ATAD2B: variants seen among roughly 807,000 people sequenced by gnomAD.
ATAD2B encodes the protein ATPase family AAA domain containing 2B.
A neutral mutation model predicts 167.6 loss-of-function variants in ATAD2B; 40 were observed. The ratio of observed to expected loss-of-function variants is 0.24; its 90% CI spans 0.19 to 0.31. The LOEUF (loss-of-function observed/expected upper bound fraction) is 0.31. Among genes scored for constraint, ATAD2B ranks in the 10% least tolerant of loss-of-function variants. The pLI is 1.00. For synonymous variants in ATAD2B, 579 were observed against 596.5 expected, an observed-to-expected ratio of 0.97 and a Z score of 0.43; for missense variants, 1,242 against 1,757.2, an observed-to-expected ratio of 0.71 and a Z score of 5.24.
intron 22 of ATAD2B, among the ~76,000 whole-genome samples, chr2:23,774,589 G>T (rs1003578350): frequency 7.2e-5 from 11 of 152,060 alleles, no homozygotes; most frequent in Non-Finnish European, 1.5e-4. Flanking sequence ...CTTAATCTGA[G>T]ATTCCTTGAG....
At position 23,889,177 on chromosome 2, in the gene ATAD2B, T is replaced by C. The variant is rs546024876; in HGVS notation, c.369-778A>G. Among the ~76,000 whole-genome samples the C allele has an allele frequency of 5.9e-4, 90 of 152,288 alleles. No homozygotes were observed. The Middle Eastern group carries it at 0.014, about 23-fold the overall frequency. On this transcript the variant is annotated intron_variant, in intron 2 of 27. Coordinates refer to ENST00000238789, the MANE Select transcript of ATAD2B (RefSeq NM_017552.4). Reference sequence around the variant, plus strand: ...ATATGTATGACTGCCTTCCTTTTTTTCTCCCCACAAGACAGAGTCTTGCTC... The same window carrying C: ...ATATGTATGACTGCCTTCCTTTTTTCCTCCCCACAAGACAGAGTCTTGCTC...
At chr2:23,812,523 T>C (rs1685760912) in intron 17 of ATAD2B, among the ~76,000 whole-genome samples, 1 of 152,130 alleles carries the variant, frequency 6.6e-6, no homozygotes, top group African/African-American at 2.4e-5. Flanking sequence ...TACTCACAAC[T>C]TTAACTGAAA....
At chr2:23,798,399 A>G (rs1210617755) in intron 18 of ATAD2B, 76 bp from the exon 19 acceptor site, 29 of 1,174,608 alleles carry the variant, frequency 2.5e-5, no homozygotes, top group Non-Finnish European at 3.3e-5. Context: ...CTCCAAATAC[A>G]TGAAATATGT....
the ATAD2B span, among the ~76,000 whole-genome samples, chr2:23,735,308 A>T: frequency 6.6e-6 from 1 of 152,178 alleles, no homozygotes; most frequent in African/African-American, 2.4e-5. Context: ...ATACTTACTT[A>T]GCAACTTACT....
the ATAD2B span, among the ~76,000 whole-genome samples, chr2:23,712,956 G>A: frequency 1.3e-5 from 2 of 152,072 alleles, no homozygotes; most frequent in African/African-American, 4.8e-5. Flanking sequence ...CCCACCATGG[G>A]CCGCCTCACC....
At chr2:23,834,634 A>G (rs1249671062) in intron 13 of ATAD2B, among the ~76,000 whole-genome samples, 1 of 152,216 alleles carries the variant, frequency 6.6e-6, no homozygotes, top group Non-Finnish European at 1.5e-5. Flanking sequence ...TCTTCTTCAA[A>G]GGATACTATC....
At chr2:23,914,441 A>G (rs1249825002) in intron 1 of ATAD2B, among the ~76,000 whole-genome samples, 2 of 152,198 alleles carry the variant, frequency 1.3e-5, no homozygotes, top group African/African-American at 4.8e-5. Flanking sequence ...AGAGAGAAGG[A>G]AAGCAAAAAA....
At chr2:23,714,503 G>A in the ATAD2B span, among the ~76,000 whole-genome samples, 1 of 149,650 alleles carries the variant, frequency 6.7e-6, no homozygotes, top group Non-Finnish European at 1.5e-5. Flanking sequence ...GCCTCCCAAA[G>A]TGCTGGGATT....
At chr2:23,714,898 A>G in the ATAD2B span, among the ~76,000 whole-genome samples, 4 of 152,126 alleles carry the variant, frequency 2.6e-5, no homozygotes, top group Non-Finnish European at 4.4e-5. Flanking sequence ...ATGGTAGCAG[A>G]AGGAATAAGA....
the ATAD2B span, among the ~76,000 whole-genome samples, chr2:23,714,540 C>T: frequency 6.7e-6 from 1 of 150,272 alleles, no homozygotes; most frequent in Non-Finnish European, 1.5e-5. Flanking sequence ...GCACCTGGCC[C>T]TCAAAATATT....
At chr2:23,801,602 C>A (rs1683505990) in intron 18 of ATAD2B, among the ~76,000 whole-genome samples, 1 of 151,912 alleles carries the variant, frequency 6.6e-6, no homozygotes, top group Non-Finnish European at 1.5e-5. Flanking sequence ...TGAACAAATA[C>A]CAGCATATGT....
At chr2:23,809,004 T>C (rs372892300) in intron 18 of ATAD2B, 36 of 152,262 alleles carry the variant, frequency 2.4e-4, no homozygotes, top group Admixed American at 9.2e-4. Flanking sequence ...AAACCATCTA[T>C]GTTTAGTGGT....
chr2:23,696,401 C>T, the ATAD2B span: 1 of 1,551,574 alleles, frequency 6.4e-7, no homozygotes, highest in African/African-American at 1.4e-5. The surrounding 1 kb of genome is among the most constrained non-coding windows in gnomAD (Gnocchi z 5.5). Context: ...TAACTGGAAC[C>T]TCGTCTCCAG....
intron 13 of ATAD2B, among the ~76,000 whole-genome samples, chr2:23,835,936 C>CA (rs111774656): frequency 0.093 from 12,255 of 131,652 alleles, 656 homozygotes; most frequent in African/African-American, 0.17. Context: ...AACTCCATCT[C>CA]AAAAAAAAAA....
chr2:23,750,733 A>G lies in ATAD2B; in HGVS notation c.*1313T>C, dbSNP rs2712065. Reference sequence around the variant, plus strand: ...AAAAAGTCACTGCATCCTTTGCCTCATTGCAACTGCCTAGACTGTGTCTCC... The same window carrying G: ...AAAAAGTCACTGCATCCTTTGCCTCGTTGCAACTGCCTAGACTGTGTCTCC... On this transcript the variant is annotated 3_prime_UTR_variant, in exon 28 of 28. Coordinates refer to ENST00000238789, the MANE Select transcript of ATAD2B (RefSeq NM_017552.4). 0.18 allele frequency: 27,663 copies of G among 152,132 alleles called. 2,611 individuals are homozygous for G. Among genetic ancestry groups the G allele is most frequent in the Middle Eastern group, 0.26 (76 of 294 alleles). 9.4% of individuals were successfully genotyped at this position (152,132 alleles called of 1,614,324 possible).
chr2:23,891,314 C>T (rs1699451926), intron 2 of ATAD2B, among the ~76,000 whole-genome samples: 1 of 152,012 alleles, frequency 6.6e-6, no homozygotes, highest in South Asian at 2.1e-4. Context: ...GCCACCACGC[C>T]CAGCCTACAC....
At chr2:23,899,303 C>CAAAAA (rs556774553) in intron 1 of ATAD2B, among the ~76,000 whole-genome samples, 9 of 67,362 alleles carry the variant, frequency 1.3e-4, no homozygotes, top group East Asian at 1.1e-3. Context: ...GACCCCATCT[C>CAAAAA]AAAAAAAAAA....
chr2:23,741,547 T>C, the ATAD2B span, among the ~76,000 whole-genome samples: 14 of 152,216 alleles, frequency 9.2e-5, no homozygotes, highest in East Asian at 2.5e-3. Flanking sequence ...TATACAAAAA[T>C]TAATTCAAGA....
chr2:23,880,902 C>A, intron 6 of ATAD2B, 147 bp from the exon 7 acceptor site: 1 of 585,774 alleles, frequency 1.7e-6, no homozygotes, highest in South Asian at 2.3e-5. Context: ...GTAAAGCATA[C>A]ATAATTAAAA....
Sources: gnomAD v4.1 joint callset for allele counts (sites outside exome capture counted in the v4.1 genomes callset) on GRCh38, gnomAD v4.1.1 for gene constraint, Gnocchi (gnomAD v3.1) non-coding constraint, MANE v1.5 for transcripts, NCBI Gene and HGNC (gene_info 2026-07-23, HGNC 2026-07-21) for gene names.